Variants in IMMP2L observed in about 807,000 individuals in gnomAD.
The protein encoded by IMMP2L is inner mitochondrial membrane peptidase subunit 2, also known as mitochondrial inner membrane protease subunit 2.
A neutral mutation model predicts 19.3 loss-of-function variants in IMMP2L; 18 were observed. That is an observed-to-expected ratio of 0.93 (90% CI 0.64 to 1.38). The LOEUF (loss-of-function observed/expected upper bound fraction) is 1.38. IMMP2L is among the 40% of genes most tolerant of loss of function. IMMP2L has a pLI of 0.00. For synonymous variants in IMMP2L, 76 were observed against 73.0 expected (o/e 1.04, Z -0.21); for missense variants, 233 against 218.2 (o/e 1.07, Z -0.43).
chr7:111,545,225 A>G (rs1322973250), intron 1 of IMMP2L, among the ~76,000 whole-genome samples: 4 of 152,152 alleles, frequency 2.6e-5, no homozygotes, highest in African/African-American at 4.8e-5. Context: ...CAGTCATCCT[A>G]ATGGATGTGA....
intron 3 of IMMP2L, among the ~76,000 whole-genome samples, chr7:111,443,004 C>T (rs1837902004): frequency 6.6e-6 from 1 of 151,926 alleles, no homozygotes; most frequent in Non-Finnish European, 1.5e-5. Flanking sequence ...CTCTCAGTTT[C>T]ACCTTCGCTT....
chr7:111,331,820 C>T (rs919195997), intron 3 of IMMP2L, among the ~76,000 whole-genome samples: 1 of 151,748 alleles, frequency 6.6e-6, no homozygotes, highest in African/African-American at 2.4e-5. Flanking sequence ...AGTATCCAAG[C>T]TATAAAAAAA....
intron 3 of IMMP2L, among the ~76,000 whole-genome samples, chr7:111,149,016 T>C (rs1249338168): frequency 1.3e-5 from 2 of 152,078 alleles, no homozygotes; most frequent in African/African-American, 4.8e-5. Context: ...ACAGGCTGGC[T>C]CCAGAGTCTG....
chr7:110,745,700 C>T (rs940562217), intron 5 of IMMP2L, among the ~76,000 whole-genome samples: 2 of 152,134 alleles, frequency 1.3e-5, no homozygotes, highest in Admixed American at 6.5e-5. Context: ...CAAGTAAATG[C>T]TGAGAGATTT....
intron 3 of IMMP2L, among the ~76,000 whole-genome samples, chr7:111,368,621 C>T (rs891553599): frequency 1.3e-5 from 2 of 151,914 alleles, no homozygotes; most frequent in East Asian, 1.9e-4. Flanking sequence ...ATCCTGTGAG[C>T]TTTTCCCATC....
chr7:110,895,602 T>C (rs1253972078), intron 4 of IMMP2L, among the ~76,000 whole-genome samples: 1 of 152,126 alleles, frequency 6.6e-6, no homozygotes, highest in South Asian at 2.1e-4. Context: ...ACTGAATCTA[T>C]AGAGCAATTT....
chr7:111,549,849 G>A (rs536379681), intron 1 of IMMP2L, among the ~76,000 whole-genome samples: 2 of 150,534 alleles, frequency 1.3e-5, no homozygotes, highest in East Asian at 2.0e-4. Context: ...GCTGAGGCAC[G>A]AAAATCACTT....
chr7:110,820,574 ACACC>A (rs535296514), intron 5 of IMMP2L, among the ~76,000 whole-genome samples: 2 of 151,960 alleles, frequency 1.3e-5, no homozygotes, highest in African/African-American at 4.8e-5. Flanking sequence ...ACACACACAC[ACACC>A]CACCCACCCA....
intron 3 of IMMP2L, among the ~76,000 whole-genome samples, chr7:111,344,033 A>G (rs1827290480): frequency 1.3e-5 from 2 of 152,072 alleles, no homozygotes; most frequent in African/African-American, 2.4e-5. Context: ...CATTTTTTCT[A>G]TACTCACAGT....
intron 3 of IMMP2L, among the ~76,000 whole-genome samples, chr7:111,402,827 T>C (rs555148711): frequency 1.5e-4 from 22 of 146,062 alleles, no homozygotes; most frequent in Admixed American, 2.8e-4. Flanking sequence ...ACCTTCACAA[T>C]GGAAATTTTC....
intron 5 of IMMP2L, among the ~76,000 whole-genome samples, chr7:110,681,050 G>A (rs1250163076): frequency 1.3e-5 from 2 of 148,890 alleles, no homozygotes; most frequent in Non-Finnish European, 3.0e-5. Flanking sequence ...AATTAGTAAG[G>A]ATTAAAAAAA....
chr7:110,880,309 T>C (rs1314106024), intron 5 of IMMP2L, among the ~76,000 whole-genome samples: 3 of 152,040 alleles, frequency 2.0e-5, no homozygotes, highest in Non-Finnish European at 4.4e-5. Flanking sequence ...ATACAACCAA[T>C]AAGATACTGA....
In IMMP2L at chr7:111,123,457, G is replaced by A; in HGVS notation, c.240-159892C>T. The A allele has an allele frequency of 1.2e-6, 2 of 1,613,666 alleles. No individual in the cohort carries two copies. Among genetic ancestry groups the A allele is most frequent in the Non-Finnish European group, 1.7e-6 (2 of 1,179,890 alleles). On this transcript the variant is annotated intron_variant, in intron 3 of 5. Coordinates refer to ENST00000405709, the MANE Select transcript of IMMP2L (RefSeq NM_032549.4). The surrounding 1 kb of genome is among the most constrained non-coding windows in gnomAD (Gnocchi z 6.4). ...TGGTATAAACCTCACAGAAATACCA[G>A]ATAACGCCTTGGTTGGACTGGAAAA...
At chr7:110,778,816 G>A (rs186206566) in intron 5 of IMMP2L, among the ~76,000 whole-genome samples, 1 of 151,868 alleles carries the variant, frequency 6.6e-6, no homozygotes, top group East Asian at 2.0e-4. Context: ...GTGGTGTGTT[G>A]GAAAATGTTT....
At chr7:110,893,183 T>C (rs1810980946) in intron 4 of IMMP2L, among the ~76,000 whole-genome samples, 1 of 152,166 alleles carries the variant, frequency 6.6e-6, no homozygotes, top group Admixed American at 6.6e-5. Context: ...TAAAAATACA[T>C]ACCTTAATTT....
intron 4 of IMMP2L, among the ~76,000 whole-genome samples, chr7:110,961,797 A>G (rs1358570234): frequency 1.3e-5 from 2 of 151,974 alleles, no homozygotes; most frequent in Non-Finnish European, 2.9e-5. Context: ...ACAGCAACAA[A>G]AAAACACAGA....
intron 3 of IMMP2L, among the ~76,000 whole-genome samples, chr7:111,009,513 G>A (rs1344679388): frequency 6.6e-6 from 1 of 151,984 alleles, no homozygotes; most frequent in Non-Finnish European, 1.5e-5. Flanking sequence ...TGCCAATAAT[G>A]ATGACCCATG....
intron 3 of IMMP2L, among the ~76,000 whole-genome samples, chr7:110,997,574 T>C (rs1240671761): frequency 6.6e-6 from 1 of 152,178 alleles, no homozygotes; most frequent in Non-Finnish European, 1.5e-5. Flanking sequence ...TGTGTAGTGA[T>C]ATCTCATTGT....
intron 4 of IMMP2L, among the ~76,000 whole-genome samples, chr7:110,952,043 A>G (rs1036041829): frequency 2.0e-5 from 3 of 152,178 alleles, no homozygotes; most frequent in Non-Finnish European, 4.4e-5. Context: ...TCAGCTAAAA[A>G]CAGTGGGTAT....
Sources: allele counts gnomAD v4.1 joint callset (sites outside exome capture counted in the v4.1 genomes callset), GRCh38; gene constraint gnomAD v4.1.1; non-coding constraint Gnocchi (gnomAD v3.1); transcripts MANE v1.5; gene names NCBI Gene and HGNC (gene_info 2026-07-23, HGNC 2026-07-21).